Variants in COL21A1 observed in about 807,000 individuals in gnomAD.
The protein encoded by COL21A1 is collagen alpha-1(XXI) chain.
A neutral mutation model predicts 137.9 loss-of-function variants in COL21A1; 149 were observed. The observed-to-expected ratio is 1.08, with a 90% CI of 0.95 to 1.24. The LOEUF (loss-of-function observed/expected upper bound fraction) is 1.24. COL21A1 is among the 50% of genes most tolerant of loss of function. COL21A1 has a pLI of 0.00. For synonymous variants in COL21A1, 456 were observed against 391.5 expected, an observed-to-expected ratio of 1.16 and a Z score of -1.95; for missense variants, 1,167 against 1,158.4, an observed-to-expected ratio of 1.01 and a Z score of -0.11.
At chr6:56,316,477 CTTTTTTTT>C (rs60388494) in intron 1 of COL21A1, among the ~76,000 whole-genome samples, 9 of 75,786 alleles carry the variant, frequency 1.2e-4, no homozygotes, top group Non-Finnish European at 1.6e-4. Flanking sequence ...TCTAAATAGA[CTTTTTTTT>C]TTTTTTTTTT....
chr6:56,099,221 TA>T (rs1307109298), intron 17 of COL21A1, among the ~76,000 whole-genome samples: 2 of 140,610 alleles, frequency 1.4e-5, no homozygotes, highest in Non-Finnish European at 3.1e-5. Context: ...AGTCACAAAC[TA>T]AATTTTTTTT....
At chr6:56,359,411 C>T (rs1215176622) in intron 1 of COL21A1, among the ~76,000 whole-genome samples, 2 of 152,120 alleles carry the variant, frequency 1.3e-5, no homozygotes, top group Admixed American at 6.6e-5. Context: ...AGATGATTAC[C>T]CACCAGAGGG....
intron 12 of COL21A1, among the ~76,000 whole-genome samples, chr6:56,139,500 TACACAC>T (rs35595286): frequency 6.6e-6 from 1 of 151,246 alleles, no homozygotes; most frequent in African/African-American, 2.4e-5. Flanking sequence ...CTTGTGCACA[TACACAC>T]ACACACACAC....
chr6:56,182,417 A>T, intron 2 of COL21A1, 114 bp downstream of exon 2: 2 of 674,602 alleles, frequency 3.0e-6, no homozygotes, highest in Non-Finnish European at 5.1e-6. Context: ...TTAGGGAGTT[A>T]CAGAATCAAA....
chr6:56,100,951 C>A (rs1442534881), intron 17 of COL21A1, among the ~76,000 whole-genome samples: 1 of 152,114 alleles, frequency 6.6e-6, no homozygotes, highest in African/African-American at 2.4e-5. Flanking sequence ...ATAAGATCTG[C>A]TGGTATTTAA....
rs187125149 is a variant in COL21A1 at position 56,124,538 on chromosome 6, G to T, written c.1651-246C>A. On this transcript the variant is annotated intron_variant, in intron 14 of 29. Coordinates refer to ENST00000244728, the MANE Select transcript of COL21A1 (RefSeq NM_030820.4). ...ATCTAAACATAGAAATAACATCTTG[G>T]CAAAATTAAAAAGCAATGGGTATTT... 3.6e-3 allele frequency among the ~76,000 whole-genome samples: 552 copies of T among 152,246 alleles called. 6 individuals carry two copies. Among genetic ancestry groups the T allele is most frequent in the African/African-American group, 0.013 (525 of 41,554 alleles).
chr6:56,246,572 T>G (rs1782657782), intron 1 of COL21A1, among the ~76,000 whole-genome samples: 1 of 152,038 alleles, frequency 6.6e-6, no homozygotes, highest in South Asian at 2.1e-4. Flanking sequence ...AATTTGCAGG[T>G]GTCTTCTCTG....
intron 1 of COL21A1, among the ~76,000 whole-genome samples, chr6:56,272,554 A>AAAG (rs1291533380): frequency 6.6e-5 from 10 of 152,186 alleles, no homozygotes; most frequent in Non-Finnish European, 1.5e-4. Flanking sequence ...TGAAATGAGA[A>AAAG]AAGGACATGA....
At chr6:56,326,017 GTATATACATAATATATTATGT>G (rs1765081318) in intron 1 of COL21A1, among the ~76,000 whole-genome samples, 1 of 79,062 alleles carries the variant, frequency 1.3e-5, no homozygotes, top group Non-Finnish European at 2.3e-5. Context: ...TTATGTATAT[GTATATACATAATATATTATGT>G]ATATGTATGT....
intron 1 of COL21A1, among the ~76,000 whole-genome samples, chr6:56,243,196 G>A (rs569618677): frequency 1.7e-4 from 26 of 152,178 alleles, no homozygotes; most frequent in African/African-American, 6.0e-4. Context: ...TAAATGACAT[G>A]ATTACTTTAC....
chr6:56,207,984 C>T (rs1470198225), intron 1 of COL21A1, among the ~76,000 whole-genome samples: 1 of 152,076 alleles, frequency 6.6e-6, no homozygotes, highest in Non-Finnish European at 1.5e-5. Flanking sequence ...ATTCAACAGC[C>T]CTTCATGCTA....
chr6:56,365,902 AT>A (rs1452672012), intron 1 of COL21A1, among the ~76,000 whole-genome samples: 1 of 152,178 alleles, frequency 6.6e-6, no homozygotes. Flanking sequence ...ATATGGAAGG[AT>A]TTTTTTAGGA....
chr6:56,379,293 C>A (rs1273187847), intron 1 of COL21A1, among the ~76,000 whole-genome samples: 2 of 152,026 alleles, frequency 1.3e-5, no homozygotes, highest in East Asian at 3.9e-4. Flanking sequence ...GACACAGAAC[C>A]CAAAAAGCTG....
chr6:56,075,154 TA>T (rs1336464219), intron 19 of COL21A1, among the ~76,000 whole-genome samples: 5 of 151,354 alleles, frequency 3.3e-5, no homozygotes, highest in African/African-American at 9.7e-5. Flanking sequence ...TAATTTAAAA[TA>T]AAAAAATCAC....
rs548718285 is a variant in COL21A1 at position 56,198,589 on chromosome 6, G to A, written c.-38-15933C>T. 6.6e-5 allele frequency among the ~76,000 whole-genome samples: 10 copies of A among 152,214 alleles called. No individual in the cohort carries two copies. The South Asian group carries it at 2.1e-3, about 32-fold the overall frequency. On this transcript the variant is annotated intron_variant, in intron 1 of 29. Coordinates refer to ENST00000244728, the MANE Select transcript of COL21A1 (RefSeq NM_030820.4). ...AAAAGAATACAGGCCAACAAGGCCT[G>A]CAGCACAATCCATAGACCAATGAAT...
At chr6:56,252,294 G>A (rs1056246933), upstream of COL21A1, among the ~76,000 whole-genome samples, 1 of 152,174 alleles carries the variant, frequency 6.6e-6, no homozygotes, top group African/African-American at 2.4e-5. Context: ...TTCCAGGCCT[G>A]GATGGAGGAG....
chr6:56,154,246 A>C (rs1172533605), intron 10 of COL21A1, among the ~76,000 whole-genome samples: 1 of 152,166 alleles, frequency 6.6e-6, no homozygotes, highest in Non-Finnish European at 1.5e-5. Flanking sequence ...AATTTCTGCC[A>C]AGACCTTGCC....
intron 1 of COL21A1, among the ~76,000 whole-genome samples, chr6:56,206,874 G>T (rs1266305969): frequency 6.6e-6 from 1 of 151,736 alleles, no homozygotes; most frequent in South Asian, 2.1e-4. Flanking sequence ...TGGAACTCAG[G>T]ATTAAGAAAC....
At chr6:56,239,551 T>C (rs563621225) in intron 1 of COL21A1, among the ~76,000 whole-genome samples, 2 of 152,228 alleles carry the variant, frequency 1.3e-5, no homozygotes, top group African/African-American at 4.8e-5. Context: ...CAAAAAGCCA[T>C]AATTCAAATT....
Sources: gnomAD v4.1 joint callset for allele counts (sites outside exome capture counted in the v4.1 genomes callset) on GRCh38, gnomAD v4.1.1 for gene constraint, MANE v1.5 for transcripts, NCBI Gene and HGNC (gene_info 2026-07-23, HGNC 2026-07-21) for gene names.